Variants in SVEP1 observed in about 807,000 individuals in gnomAD.
SVEP1 encodes the protein sushi, von Willebrand factor type A, EGF and pentraxin domain-containing protein 1.
Under a neutral mutation model 367.3 loss-of-function variants are expected in SVEP1, and 164 were observed. The ratio of observed to expected loss-of-function variants is 0.45; its 90% CI spans 0.39 to 0.51. SVEP1 has a LOEUF of 0.51. Among genes scored for constraint, SVEP1 ranks in the 20% least tolerant of loss-of-function variants. The pLI, the probability that SVEP1 is intolerant of heterozygous loss-of-function variation, is 0.00. For synonymous variants in SVEP1, 1,666 were observed against 1,611.6 expected (o/e 1.03, Z -0.81); for missense variants, 4,117 against 4,425.3 (o/e 0.93, Z 1.98).
chr9:110,394,220 C>G (rs1229167085), intron 40 of SVEP1, among the ~76,000 whole-genome samples: 1 of 151,868 alleles, frequency 6.6e-6, no homozygotes, highest in Non-Finnish European at 1.5e-5. Context: ...GTTCTGCACC[C>G]TCTGCTGCTG....
At chr9:110,488,603 T>C (rs569573407) in intron 9 of SVEP1, among the ~76,000 whole-genome samples, 63 of 152,296 alleles carry the variant, frequency 4.1e-4, no homozygotes, top group African/African-American at 1.4e-3. Context: ...GGCTCACACC[T>C]ATAATCCCAG....
At chr9:110,573,720 T>C (rs544569158) in intron 1 of SVEP1, among the ~76,000 whole-genome samples, 35 of 152,270 alleles carry the variant, frequency 2.3e-4, no homozygotes, top group South Asian at 1.2e-3. Context: ...TTTAAACATA[T>C]TCACTTTAGG....
intron 36 of SVEP1, among the ~76,000 whole-genome samples, chr9:110,423,621 A>G (rs962038545): frequency 6.6e-6 from 1 of 152,162 alleles, no homozygotes; most frequent in African/African-American, 2.4e-5. Flanking sequence ...CCTGACAAAA[A>G]AAATCCCTAA....
chr9:110,556,531 G>A (rs149246461), intron 1 of SVEP1, among the ~76,000 whole-genome samples: 140 of 152,274 alleles, frequency 9.2e-4, no homozygotes, highest in African/African-American at 3.2e-3. Context: ...GTCTCACTCT[G>A]TCACCCAGGC....
chr9:110,446,248 T>C (rs1482188161), intron 25 of SVEP1, among the ~76,000 whole-genome samples: 1 of 152,170 alleles, frequency 6.6e-6, no homozygotes, highest in Admixed American at 6.5e-5. Context: ...GGAAAAGCAT[T>C]CAATAGTGAA....
At chr9:110,401,284 G>A (rs1055117833) in intron 39 of SVEP1, among the ~76,000 whole-genome samples, 10 of 151,730 alleles carry the variant, frequency 6.6e-5, no homozygotes, top group Non-Finnish European at 1.2e-4. Context: ...CAAAAATCAC[G>A]AGCAACAAGA....
At position 110,404,490 on chromosome 9, in the gene SVEP1, C is replaced by CG. The variant is rs1564132446; in HGVS notation, c.9502dup (p.Arg3168ProfsTer5). ...GCAGGAGATTCTCTCAGGGAACCAG[C>CG]GACCATCTTTCTGACAGGTGAATGT... On this transcript the variant is annotated frameshift_variant, in exon 39 of 48. Coordinates refer to ENST00000374469, the MANE Select transcript of SVEP1 (RefSeq NM_153366.4). LOFTEE classifies it high-confidence loss of function. The CG allele has an allele frequency of 6.2e-7, 1 of 1,613,950 alleles. No homozygotes were observed. Among genetic ancestry groups the CG allele is most frequent in the Non-Finnish European group, 8.5e-7 (1 of 1,179,880 alleles).
chr9:110,400,035 T>A (rs1827832529), intron 40 of SVEP1, among the ~76,000 whole-genome samples: 1 of 152,216 alleles, frequency 6.6e-6, no homozygotes, highest in Non-Finnish European at 1.5e-5. Flanking sequence ...GATTTTAATA[T>A]TACAAAGCAA....
At chr9:110,414,058 T>C (rs1887458) in intron 36 of SVEP1, among the ~76,000 whole-genome samples, 149,773 of 152,050 alleles carry the variant, frequency 0.99, 73,797 homozygotes, top group African/African-American at 1. Context: ...ACCTTTTCCA[T>C]AACACTGCTC....
At chr9:110,522,558 T>C (rs1829889068) in intron 3 of SVEP1, among the ~76,000 whole-genome samples, 1 of 152,212 alleles carries the variant, frequency 6.6e-6, no homozygotes, top group Non-Finnish European at 1.5e-5. Flanking sequence ...TAACAGCTTT[T>C]ACAACTGTAT....
At chr9:110,564,784 TC>T (rs1830469293) in intron 1 of SVEP1, among the ~76,000 whole-genome samples, 2 of 129,466 alleles carry the variant, frequency 1.5e-5, no homozygotes, top group African/African-American at 5.0e-5. Context: ...TGACTTTGAT[TC>T]ATAGATCAGA....
At chr9:110,460,488 C>T (rs1006129992) in intron 18 of SVEP1, among the ~76,000 whole-genome samples, 11 of 152,164 alleles carry the variant, frequency 7.2e-5, no homozygotes, top group African/African-American at 2.7e-4. Flanking sequence ...TATGGTGGCT[C>T]ATGCCTGTAA....
chr9:110,471,167 C>T (rs1451216875), intron 16 of SVEP1, among the ~76,000 whole-genome samples, 197 bp downstream of exon 16: 1 of 152,042 alleles, frequency 6.6e-6, no homozygotes, highest in African/African-American at 2.4e-5. Flanking sequence ...GATTTGAGTC[C>T]CTCCCTGAAC....
intron 15 of SVEP1, among the ~76,000 whole-genome samples, chr9:110,471,853 A>G (rs1331328776): frequency 1.3e-5 from 2 of 152,238 alleles, no homozygotes; most frequent in Admixed American, 6.5e-5. Flanking sequence ...TGCTAAATCT[A>G]TATCACCTTT....
intron 30 of SVEP1, among the ~76,000 whole-genome samples, chr9:110,433,628 C>T (rs1038475934): frequency 6.6e-6 from 1 of 151,802 alleles, no homozygotes; most frequent in Non-Finnish European, 1.5e-5. Flanking sequence ...CACACCACTA[C>T]GCCTGGCCAA....
At chr9:110,447,391 C>T (rs984169746) in intron 24 of SVEP1, among the ~76,000 whole-genome samples, 6 of 152,112 alleles carry the variant, frequency 3.9e-5, no homozygotes, top group African/African-American at 1.2e-4. Context: ...ATATGTTAAG[C>T]CAATTTTCAT....
rs899995806 is a variant in SVEP1 at position 110,384,176 on chromosome 9, G to C, written c.10237+1722C>G. ...GCCCTGGTGGCGTGGGCTCATGAGG[G>C]GGATCTCCTGATCTGCAGGTTGCAC... is the stretch of plus-strand genomic sequence containing the variant. On this transcript the variant is annotated intron_variant, in intron 43 of 47. Coordinates refer to ENST00000374469, the MANE Select transcript of SVEP1 (RefSeq NM_153366.4). Among the ~76,000 whole-genome samples, 3 of 152,148 alleles carry C rather than the reference G, an allele frequency of 2.0e-5. No homozygotes were observed. In the East Asian group the frequency reaches 5.8e-4, roughly 29 times the overall value.
At chr9:110,530,499 T>C (rs1830003883) in intron 3 of SVEP1, among the ~76,000 whole-genome samples, 1 of 152,142 alleles carries the variant, frequency 6.6e-6, no homozygotes, top group African/African-American at 2.4e-5. Flanking sequence ...CATAAATTCA[T>C]AAATTGGTAT....
chr9:110,463,950 AT>A (rs921918726), intron 18 of SVEP1, among the ~76,000 whole-genome samples: 6 of 152,148 alleles, frequency 3.9e-5, no homozygotes, highest in Non-Finnish European at 7.4e-5. Context: ...AGGGCCAAAA[AT>A]TTAGAGACTT....
Sources: allele counts gnomAD v4.1 joint callset (sites outside exome capture counted in the v4.1 genomes callset), GRCh38; gene constraint gnomAD v4.1.1; transcripts MANE v1.5; gene names NCBI Gene and HGNC (gene_info 2026-07-23, HGNC 2026-07-21).